The following MAPK10 variants were observed in gnomAD, a reference collection of about 807,000 sequenced individuals.
MAPK10 encodes JNK3 alpha protein kinase.
In MAPK10, 25 loss-of-function variants were observed where a neutral mutation model predicts 59.3. That is an observed-to-expected ratio of 0.42 (90% CI 0.31 to 0.59). The LOEUF is 0.59. Ranked by LOEUF, MAPK10 falls within the 20% of genes least tolerant of loss-of-function variation. MAPK10 has a pLI of 0.15. For missense variants in MAPK10, 351 were observed against 568.9 expected, an observed-to-expected ratio of 0.62 and a Z score of 3.90; for synonymous variants, 190 against 200.5, an observed-to-expected ratio of 0.95 and a Z score of 0.44.
intron 3 of MAPK10, among the ~76,000 whole-genome samples, chr4:86,173,107 GA>G (rs140687646): frequency 2.0e-5 from 3 of 150,626 alleles, no homozygotes; most frequent in South Asian, 2.1e-4. Flanking sequence ...CACAGAATTA[GA>G]AAAAAAAACT....
At chr4:86,316,091 T>C (rs1426498832) in intron 2 of MAPK10, among the ~76,000 whole-genome samples, 1 of 152,156 alleles carries the variant, frequency 6.6e-6, no homozygotes, top group Non-Finnish European at 1.5e-5. Flanking sequence ...ACAAACACTG[T>C]TGCTACTCCC....
At position 86,013,394 on chromosome 4, in the gene MAPK10, A is replaced by C. The variant is rs186559535; in HGVS notation, c.*3834T>G. The C allele has an allele frequency of 6.6e-6, 1 of 152,320 alleles. No individual in the cohort carries two copies. The highest frequency in any genetic ancestry group is 1.9e-4 in the East Asian group (1 of 5,192). The allele number at this position is 152,320 out of a possible 1,614,324, so 9.4% of individuals were successfully genotyped here. ...CTTTGGATGCAAAGTGGCTGAGATC[A>C]AAAATTTCTAGAGCAATTTTACTCC... is the stretch of plus-strand genomic sequence containing the variant. On this transcript the variant is annotated 3_prime_UTR_variant, in exon 14 of 14. Transcript: ENST00000641462.
intron 2 of MAPK10, among the ~76,000 whole-genome samples, chr4:86,248,576 G>A (rs1188983401): frequency 6.6e-6 from 1 of 152,120 alleles, no homozygotes; most frequent in African/African-American, 2.4e-5. Flanking sequence ...AGCCAGAAAA[G>A]GTTTTTTATG....
intron 1 of MAPK10, among the ~76,000 whole-genome samples, chr4:86,564,361 G>T (rs2149105602): frequency 1.3e-5 from 2 of 152,272 alleles, no homozygotes; most frequent in Middle Eastern, 3.4e-3. Flanking sequence ...AAAAAGAAAT[G>T]CAAAAGAAGA....
Position 86,302,385 on chromosome 4 carries a change from A to G in MAPK10, c.-7+52145T>C, listed in dbSNP as rs150472318. Among the ~76,000 whole-genome samples the G allele has an allele frequency of 1.0e-3, 158 of 152,326 alleles. 1 individual carries two copies. The highest frequency in any genetic ancestry group is 3.2e-3 in the African/African-American group (134 of 41,582). ...TGTAGACTAGTCATTAGTATTCAGG[A>G]TAAGAAACAATTGCTTGGAACAGGA... On this transcript the variant is annotated intron_variant, in intron 2 of 13. Coordinates refer to ENST00000641462, the MANE Select transcript of MAPK10 (RefSeq NM_138982.4).
At chr4:86,147,639 T>C (rs1209592179) in intron 4 of MAPK10, among the ~76,000 whole-genome samples, 3 of 152,360 alleles carry the variant, frequency 2.0e-5, no homozygotes, top group Admixed American at 6.5e-5. Context: ...AGAATACTTT[T>C]AGTAAATTTG....
At chr4:86,218,747 T>G (rs1211173302) in intron 2 of MAPK10, among the ~76,000 whole-genome samples, 1 of 152,128 alleles carries the variant, frequency 6.6e-6, no homozygotes. Flanking sequence ...TGAACTTACA[T>G]GAACAAATCC....
At chr4:86,587,386 A>G (rs1762721551) in intron 1 of MAPK10, among the ~76,000 whole-genome samples, 1 of 152,254 alleles carries the variant, frequency 6.6e-6, no homozygotes, top group Non-Finnish European at 1.5e-5. Flanking sequence ...ATGGACCTGA[A>G]GGTAATTCTA....
chr4:86,103,374 T>C, intron 5 of MAPK10, 130 bp from the exon 6 acceptor site: 2 of 593,430 alleles, frequency 3.4e-6, no homozygotes, highest in Admixed American at 2.6e-5. Context: ...GTTGGAAAAA[T>C]GTCTTGAGCT....
intron 2 of MAPK10, chr4:86,276,997 C>T (rs2094599703): frequency 6.6e-6 from 1 of 152,128 alleles, no homozygotes; most frequent in Admixed American, 6.6e-5. Context: ...CACATCTCAC[C>T]AATAGAGTTG....
chr4:86,521,127 A>G (rs1278418234), intron 1 of MAPK10, among the ~76,000 whole-genome samples: 3 of 152,242 alleles, frequency 2.0e-5, no homozygotes. Context: ...GGACAGGCTC[A>G]GGACCTCTGG....
intron 1 of MAPK10, chr4:86,358,800 A>G (rs1159295349): frequency 6.6e-6 from 1 of 152,126 alleles, no homozygotes; most frequent in Non-Finnish European, 1.5e-5. Context: ...ATATACTGCC[A>G]TACTTATTTC....
intron 2 of MAPK10, among the ~76,000 whole-genome samples, chr4:86,212,026 G>A (rs1211424871): frequency 6.6e-6 from 1 of 152,056 alleles, no homozygotes; most frequent in Non-Finnish European, 1.5e-5. Context: ...AGTAATGCGG[G>A]AAATGAGGGA....
intron 1 of MAPK10, among the ~76,000 whole-genome samples, chr4:86,515,750 T>G (rs1256683105): frequency 6.6e-6 from 1 of 152,206 alleles, no homozygotes; most frequent in Non-Finnish European, 1.5e-5. Context: ...CTTTGTCGGA[T>G]GCATAGTTTG....
At chr4:86,552,067 T>C (rs1277817865) in intron 1 of MAPK10, among the ~76,000 whole-genome samples, 1 of 152,244 alleles carries the variant, frequency 6.6e-6, no homozygotes, top group South Asian at 2.1e-4. Flanking sequence ...GATTAAATTA[T>C]ATTTTAAAAA....
chr4:86,153,403 T>C (rs987465499), intron 4 of MAPK10, among the ~76,000 whole-genome samples: 3 of 152,174 alleles, frequency 2.0e-5, no homozygotes, highest in Admixed American at 6.5e-5. Flanking sequence ...GGGATGTAAG[T>C]TAATTACAAA....
At chr4:86,449,730 T>C (rs1314105041) in intron 1 of MAPK10, among the ~76,000 whole-genome samples, 2 of 152,212 alleles carry the variant, frequency 1.3e-5, no homozygotes, top group Non-Finnish European at 2.9e-5. Flanking sequence ...TTAGGTTATA[T>C]TACGTGGCAA....
At chr4:86,424,451 A>G (rs1434774373) in intron 1 of MAPK10, among the ~76,000 whole-genome samples, 2 of 152,066 alleles carry the variant, frequency 1.3e-5, no homozygotes, top group East Asian at 3.9e-4. Flanking sequence ...CGCCTCCCAA[A>G]GTGTTGGGAG....
chr4:86,341,832 A>AC (rs1725110457), intron 2 of MAPK10, among the ~76,000 whole-genome samples: 1 of 66,590 alleles, frequency 1.5e-5, no homozygotes, highest in Non-Finnish European at 3.8e-5. Flanking sequence ...AAAAAAAAAA[A>AC]AACACCGGCA....
Sources: allele counts gnomAD v4.1 joint callset (sites outside exome capture counted in the v4.1 genomes callset), GRCh38; gene constraint gnomAD v4.1.1; transcripts MANE v1.5; gene names NCBI Gene and HGNC (gene_info 2026-07-23, HGNC 2026-07-21).